Variants in CCDC158 observed in about 807,000 individuals in gnomAD.
The protein encoded by CCDC158 is coiled-coil domain-containing protein 158.
Under a neutral mutation model 138.6 loss-of-function variants are expected in CCDC158, and 116 were observed. The ratio of observed to expected loss-of-function variants is 0.84; its 90% confidence interval spans 0.72 to 0.98. The LOEUF is 0.98. CCDC158 is among the 50% of genes least tolerant of loss of function. CCDC158 has a pLI of 0.00. For synonymous variants in CCDC158, 436 were observed against 442.4 expected, an observed-to-expected ratio of 0.99 and a Z score of 0.18; for missense variants, 1,265 against 1,306.1, an observed-to-expected ratio of 0.97 and a Z score of 0.48.
intron 3 of CCDC158, among the ~76,000 whole-genome samples, chr4:76,399,831 G>C (rs1035320465): frequency 6.6e-6 from 1 of 152,162 alleles, no homozygotes; most frequent in Non-Finnish European, 1.5e-5. Flanking sequence ...GAATGAGCAG[G>C]GTGATTTCTG....
intron 13 of CCDC158, among the ~76,000 whole-genome samples, chr4:76,358,622 G>A (rs1306668469): frequency 6.6e-6 from 1 of 152,084 alleles, no homozygotes; most frequent in Admixed American, 6.5e-5. Flanking sequence ...CTCTCTGCCT[G>A]GAATGTCCCT....
chr4:76,383,241 TC>T (rs1299344499), intron 7 of CCDC158, among the ~76,000 whole-genome samples: 1 of 152,166 alleles, frequency 6.6e-6, no homozygotes, highest in Non-Finnish European at 1.5e-5. Context: ...AGTTTAGTCC[TC>T]CCACCCTCGA....
At chr4:76,418,000 C>T (rs1418349089) in intron 1 of CCDC158, among the ~76,000 whole-genome samples, 1 of 152,216 alleles carries the variant, frequency 6.6e-6, no homozygotes, top group Non-Finnish European at 1.5e-5. Flanking sequence ...CTTTCCTACA[C>T]TATCCTGAGA....
intron 15 of CCDC158, among the ~76,000 whole-genome samples, chr4:76,353,562 AGT>A (rs772484629): frequency 6.6e-6 from 1 of 152,210 alleles, no homozygotes; most frequent in East Asian, 1.9e-4. Flanking sequence ...ATAAAAAGAC[AGT>A]GTTTTAGTGA....
At chr4:76,344,341 G>A (rs1002670400) in intron 18 of CCDC158, among the ~76,000 whole-genome samples, 1 of 152,174 alleles carries the variant, frequency 6.6e-6, no homozygotes, top group African/African-American at 2.4e-5. Flanking sequence ...ACCACTGCTC[G>A]AGGAAATAAG....
intron 3 of CCDC158, 48 bp downstream of exon 3, chr4:76,403,090 A>C (rs779821014): frequency 7.6e-7 from 1 of 1,312,528 alleles, no homozygotes; most frequent in African/African-American, 1.5e-5. Context: ...AATGAATATC[A>C]TGGTTAATTC....
intron 7 of CCDC158, among the ~76,000 whole-genome samples, chr4:76,383,204 C>T (rs1217123852): frequency 6.6e-6 from 1 of 152,154 alleles, no homozygotes; most frequent in Non-Finnish European, 1.5e-5. Context: ...CTGCCTAGCC[C>T]AGACCTAGCA....
At chr4:76,357,848 A>G (rs74601059) in intron 13 of CCDC158, among the ~76,000 whole-genome samples, 4,454 of 152,146 alleles carry the variant, frequency 0.029, 217 homozygotes, top group African/African-American at 0.1. Flanking sequence ...GAGTAGATTT[A>G]ACCACCATCT....
chr4:76,389,614 T>G (rs1452517224), intron 4 of CCDC158, among the ~76,000 whole-genome samples: 1 of 152,060 alleles, frequency 6.6e-6, no homozygotes, highest in Non-Finnish European at 1.5e-5. Context: ...TACAAGAAGG[T>G]TACAGAACAT....
intron 2 of CCDC158, among the ~76,000 whole-genome samples, chr4:76,407,920 A>C (rs1407318134): frequency 1.3e-5 from 2 of 152,122 alleles, no homozygotes; most frequent in East Asian, 3.9e-4. Context: ...ATTCATCATA[A>C]CTCACTATGA....
intron 7 of CCDC158, among the ~76,000 whole-genome samples, chr4:76,382,962 G>A (rs1339169001): frequency 3.3e-5 from 5 of 152,104 alleles, no homozygotes; most frequent in African/African-American, 1.2e-4. Context: ...TAAATTGCAA[G>A]TAGTAAATAT....
chr4:76,389,163 G>C (rs1387539194), intron 4 of CCDC158, among the ~76,000 whole-genome samples: 2 of 152,046 alleles, frequency 1.3e-5, no homozygotes, highest in Non-Finnish European at 2.9e-5. Context: ...TGACTTTTCA[G>C]ACAGATAATT....
intron 12 of CCDC158, among the ~76,000 whole-genome samples, chr4:76,363,068 C>T (rs567864800): frequency 6.6e-6 from 1 of 152,162 alleles, no homozygotes; most frequent in Non-Finnish European, 1.5e-5. Flanking sequence ...TCCCACCACC[C>T]TAATAAGAGT....
intron 1 of CCDC158, among the ~76,000 whole-genome samples, chr4:76,420,277 A>G (rs1730011011): frequency 1.3e-5 from 2 of 152,036 alleles, no homozygotes; most frequent in Non-Finnish European, 2.9e-5. Flanking sequence ...CCCGGCCACA[A>G]CGCCTTAATC....
At chr4:76,351,895 A>G (rs1723080647) in intron 16 of CCDC158, 83 bp from the exon 17 acceptor site, 3 of 790,920 alleles carry the variant, frequency 3.8e-6, no homozygotes, top group Non-Finnish European at 6.3e-6. Context: ...CAGAGCTGCC[A>G]TCTCTTCAAA....
At chr4:76,375,386 G>T in intron 9 of CCDC158, 2 of 446,784 alleles carry the variant, frequency 4.5e-6, no homozygotes, top group Non-Finnish European at 4.0e-6. Flanking sequence ...CTGTTTTTCT[G>T]TGCTCAAAAA....
rs908634199 is a variant in CCDC158 at position 76,403,282 on chromosome 4, T to C, written c.-73-2A>G. Reference sequence around the variant, plus strand: ...CTCTTTGGTTCTTTTGGTTCCTGTCTATGAAAGACAGAGATTCAATCTTTA... The same window carrying C: ...CTCTTTGGTTCTTTTGGTTCCTGTCCATGAAAGACAGAGATTCAATCTTTA... On this transcript the variant is annotated splice_acceptor_variant, in intron 2 of 24. Transcript: ENST00000682701. LOFTEE classifies it low-confidence loss of function (5UTR_SPLICE). 5 of 989,972 alleles carry C rather than the reference T, an allele frequency of 5.1e-6. No homozygotes were observed. Among genetic ancestry groups the C allele is most frequent in the Middle Eastern group, 2.2e-4 (1 of 4,612 alleles). The allele number at this position is 989,972 out of a possible 1,614,324, so 61.3% of individuals were successfully genotyped here.
At chr4:76,342,282 C>T (rs900583043) in intron 18 of CCDC158, among the ~76,000 whole-genome samples, 2 of 152,144 alleles carry the variant, frequency 1.3e-5, no homozygotes, top group African/African-American at 2.4e-5. Flanking sequence ...TCAAGCAACC[C>T]TCCAGCCTCA....
chr4:76,367,834 C>A, intron 11 of CCDC158, 58 bp from the exon 12 acceptor site: 1 of 1,454,018 alleles, frequency 6.9e-7, no homozygotes, highest in Non-Finnish European at 9.2e-7. Flanking sequence ...TAGGCAACCT[C>A]AAGAGATACA....
Sources: allele counts gnomAD v4.1 joint callset (sites outside exome capture counted in the v4.1 genomes callset), GRCh38; gene constraint gnomAD v4.1.1; transcripts MANE v1.5; gene names NCBI Gene and HGNC (gene_info 2026-07-23, HGNC 2026-07-21).